Variants in SNCAIP observed in about 807,000 individuals in gnomAD.
SNCAIP encodes synphilin-1.
In SNCAIP, 43 loss-of-function variants were observed where a neutral mutation model predicts 86.7. That is an observed-to-expected ratio of 0.50 (90% CI 0.39 to 0.64). The LOEUF (loss-of-function observed/expected upper bound fraction) is 0.64. Ranked by LOEUF, SNCAIP falls within the 30% of genes least tolerant of loss-of-function variation. The pLI, the probability that SNCAIP is intolerant of heterozygous loss-of-function variation, is 0.00. For synonymous variants in SNCAIP, 417 were observed against 427.2 expected (o/e 0.98, Z 0.29); for missense variants, 981 against 1,103.1 (o/e 0.89, Z 1.57).
intron 6 of SNCAIP, among the ~76,000 whole-genome samples, chr5:122,436,290 C>T (rs986664706): frequency 4.6e-5 from 7 of 151,754 alleles, no homozygotes; most frequent in African/African-American, 1.5e-4. Context: ...TAGAACCTTC[C>T]TCACAGTGTT....
intron 3 of SNCAIP, among the ~76,000 whole-genome samples, chr5:122,410,708 C>T (rs543173630): frequency 1.2e-4 from 18 of 152,078 alleles, no homozygotes; most frequent in South Asian, 2.1e-4. Context: ...CTGTAATCCC[C>T]GGTACTCAGG....
chr5:122,350,509 T>G (rs1023590929), intron 1 of SNCAIP, among the ~76,000 whole-genome samples: 4 of 151,534 alleles, frequency 2.6e-5, no homozygotes, highest in African/African-American at 7.3e-5. Flanking sequence ...GAGTAAGGAT[T>G]TTTTGTTTGT....
chr5:122,444,056 C>A (rs1389108507), intron 7 of SNCAIP: 3 of 456,700 alleles, frequency 6.6e-6, no homozygotes, highest in South Asian at 4.6e-5. Context: ...TCACAGCCTC[C>A]CCACTCTCAG....
intron 1 of SNCAIP, among the ~76,000 whole-genome samples, chr5:122,382,229 C>T (rs929757974): frequency 2.0e-5 from 3 of 152,108 alleles, no homozygotes; most frequent in Non-Finnish European, 2.9e-5. Context: ...TTCTTGGAGG[C>T]TTTGCTCATT....
intron 1 of SNCAIP, among the ~76,000 whole-genome samples, chr5:122,328,859 T>G (rs1754678883): frequency 6.6e-6 from 1 of 152,212 alleles, no homozygotes; most frequent in African/African-American, 2.4e-5. Context: ...TTTCTAGCCT[T>G]ATTGAATAAC....
At chr5:122,330,342 C>G (rs956297798) in intron 1 of SNCAIP, among the ~76,000 whole-genome samples, 1 of 151,848 alleles carries the variant, frequency 6.6e-6, no homozygotes, top group Admixed American at 6.6e-5. Flanking sequence ...GGGATGGTCT[C>G]GAGCTCCTGA....
chr5:122,451,772 G>A, intron 10 of SNCAIP, 171 bp downstream of exon 10: 1 of 603,896 alleles, frequency 1.7e-6, no homozygotes, highest in Non-Finnish European at 2.9e-6. Flanking sequence ...TGTCATGTTA[G>A]ATACATACCC....
chr5:122,442,112 C>CTTTTTTTTTTTTTT (rs10688988), intron 7 of SNCAIP, among the ~76,000 whole-genome samples: 1 of 65,730 alleles, frequency 1.5e-5, no homozygotes, highest in Non-Finnish European at 2.8e-5. Context: ...AAGCAGTACT[C>CTTTTTTTTTTTTTT]TTTTTTTTTT....
At chr5:122,372,754 A>G (rs1764522181) in intron 1 of SNCAIP, among the ~76,000 whole-genome samples, 1 of 152,068 alleles carries the variant, frequency 6.6e-6, no homozygotes, top group Non-Finnish European at 1.5e-5. Flanking sequence ...GCTCGTGGAC[A>G]TAATCCCCAT....
At chr5:122,382,758 AACAG>A (rs1767140589) in intron 1 of SNCAIP, among the ~76,000 whole-genome samples, 1 of 152,140 alleles carries the variant, frequency 6.6e-6, no homozygotes, top group African/African-American at 2.4e-5. Flanking sequence ...TTTTCCTTCT[AACAG>A]ACAGGACCCT....
intron 6 of SNCAIP, among the ~76,000 whole-genome samples, chr5:122,433,355 T>G (rs1199873952): frequency 6.6e-6 from 1 of 152,112 alleles, no homozygotes; most frequent in Non-Finnish European, 1.5e-5. Context: ...GACTTGCACA[T>G]GGTCTAATGG....
chr5:122,381,496 A>G (rs1451302142), intron 1 of SNCAIP, among the ~76,000 whole-genome samples: 2 of 148,404 alleles, frequency 1.3e-5, no homozygotes, highest in Non-Finnish European at 3.0e-5. Context: ...TCTTTATCCA[A>G]TTTGCCAGTC....
intron 1 of SNCAIP, among the ~76,000 whole-genome samples, chr5:122,387,955 G>A (rs1349936762): frequency 6.6e-6 from 1 of 152,146 alleles, no homozygotes; most frequent in African/African-American, 2.4e-5. Context: ...AACATTTTTG[G>A]CAGGAGGCAC....
At chr5:122,414,509 C>T (rs986055003) in intron 3 of SNCAIP, among the ~76,000 whole-genome samples, 2 of 152,088 alleles carry the variant, frequency 1.3e-5, no homozygotes, top group Non-Finnish European at 2.9e-5. Context: ...GAATTACTAG[C>T]GTGAGCCACC....
intron 1 of SNCAIP, among the ~76,000 whole-genome samples, chr5:122,367,673 A>G (rs1763454486): frequency 6.6e-6 from 1 of 152,168 alleles, no homozygotes; most frequent in African/African-American, 2.4e-5. Context: ...CAGTGCATTC[A>G]GAATTCCAGT....
chr5:122,415,957 A>G (rs1775224186), intron 3 of SNCAIP, among the ~76,000 whole-genome samples: 1 of 152,242 alleles, frequency 6.6e-6, no homozygotes, highest in Non-Finnish European at 1.5e-5. Flanking sequence ...TATAGATGAC[A>G]CAATAATGCG....
intron 1 of SNCAIP, among the ~76,000 whole-genome samples, chr5:122,380,461 A>G (rs1248267130): frequency 6.6e-6 from 1 of 150,416 alleles, no homozygotes; most frequent in Non-Finnish European, 1.5e-5. Flanking sequence ...CTAGTGGTCT[A>G]TCAATTTTGT....
chr5:122,345,732 T>G (rs1460503258), intron 1 of SNCAIP, among the ~76,000 whole-genome samples: 2 of 152,048 alleles, frequency 1.3e-5, no homozygotes, highest in Non-Finnish European at 2.9e-5. Context: ...ACAGTCATGG[T>G]TCACTGCAAC....
chr5:122,422,726 T>C (rs956562682), intron 3 of SNCAIP, 142 bp from the exon 4 acceptor site: 17 of 653,918 alleles, frequency 2.6e-5, no homozygotes, highest in Non-Finnish European at 4.3e-5. Flanking sequence ...TTTTTTTTGT[T>C]CTATTGATGT....
Sources: gnomAD v4.1 joint callset for allele counts (sites outside exome capture counted in the v4.1 genomes callset) on GRCh38, gnomAD v4.1.1 for gene constraint, MANE v1.5 for transcripts, NCBI Gene and HGNC (gene_info 2026-07-23, HGNC 2026-07-21) for gene names.